SYNE3: variants seen among roughly 807,000 people sequenced by gnomAD.
SYNE3 encodes nesprin-3.
SYNE3 carries 100 observed loss-of-function variants against 111.2 expected under a neutral mutation model. The ratio of observed to expected loss-of-function variants is 0.90; its 90% CI spans 0.77 to 1.06. The LOEUF is 1.06. Among genes scored for constraint, SYNE3 ranks in the 50% least tolerant of loss-of-function variants. The pLI is 0.00. For missense variants in SYNE3, 1,160 were observed against 1,240.3 expected, an observed-to-expected ratio of 0.94 and a Z score of 0.97; for synonymous variants, 547 against 533.9, an observed-to-expected ratio of 1.02 and a Z score of -0.34.
chr14:95,478,867 A>G (rs969462135), intron 1 of SYNE3, among the ~76,000 whole-genome samples: 1 of 152,112 alleles, frequency 6.6e-6, no homozygotes, highest in African/African-American at 2.4e-5. Context: ...AGGTGGTCCA[A>G]GGCTACAACC....
intron 1 of SYNE3, among the ~76,000 whole-genome samples, chr14:95,501,887 A>C (rs1035028745): frequency 6.6e-6 from 1 of 152,188 alleles, no homozygotes. Context: ...GGTTGGCCCC[A>C]AGCACAAGGA....
At chr14:95,423,362 C>T (rs1425511378) in intron 17 of SYNE3, among the ~76,000 whole-genome samples, 3 of 152,198 alleles carry the variant, frequency 2.0e-5, no homozygotes, top group Non-Finnish European at 4.4e-5. Context: ...TCCTTATCTG[C>T]CATCCCCCTG....
rs527700488 is a variant in SYNE3 at position 95,502,693 on chromosome 14, AG to A, written c.-15+13902del. On this transcript the variant is annotated intron_variant, in intron 1 of 17. Transcript: ENST00000682763. ...GGAAAACCAGCACGTACAACCGGTC[AG>A]GAACTCACCTCTGGCATTCGTTTCA... 1.2e-3 allele frequency among the ~76,000 whole-genome samples: 183 copies of A among 152,326 alleles called. 1 individual carries two copies. The highest frequency in any genetic ancestry group is 3.2e-3 in the African/African-American group (132 of 41,576).
intron 4 of SYNE3, among the ~76,000 whole-genome samples, chr14:95,463,656 T>C (rs1887983755): frequency 6.6e-6 from 1 of 152,218 alleles, no homozygotes; most frequent in Non-Finnish European, 1.5e-5. Context: ...CAGGGCTGGA[T>C]GAGGGCCAAT....
In SYNE3 at chr14:95,490,322, G is replaced by A. The variant is rs544695073; in HGVS notation, c.-14-14487C>T. On this transcript the variant is annotated intron_variant, in intron 1 of 17. Transcript: ENST00000682763. The stretch of plus-strand genomic sequence containing the variant: ...ATTATGGCATGCACAGCAGTCTGGA[G>A]TAAATGCTATATTGTTCCAAGCTAT... Among the ~76,000 whole-genome samples the A allele has an allele frequency of 7.9e-5, 12 of 152,356 alleles. No homozygotes were observed. In the South Asian group the frequency reaches 1.7e-3, roughly 21 times the overall value.
At chr14:95,432,589 A>G (rs76309649) in intron 16 of SYNE3, among the ~76,000 whole-genome samples, 3,185 of 152,026 alleles carry the variant, frequency 0.021, 102 homozygotes, top group East Asian at 0.093. Flanking sequence ...GGGCTGTTAT[A>G]AGGACATAGC....
intron 1 of SYNE3, among the ~76,000 whole-genome samples, chr14:95,498,695 G>A (rs1890200793): frequency 6.6e-6 from 1 of 152,186 alleles, no homozygotes; most frequent in African/African-American, 2.4e-5. Flanking sequence ...GTATTCACCT[G>A]TCTGTTCCCC....
chr14:95,516,555 C>CCCCGGCCCCAGGCCTGGCCT lies in SYNE3; in HGVS notation c.-15+21_-15+40dup, dbSNP rs1566695305. The stretch of plus-strand genomic sequence containing the variant: ...ACCCGCCCGGCCCCCGGCCCCCGGC[C>CCCCGGCCCCAGGCCTGGCCT]CCCGGCCCCAGGCCTGGCCTCCCGG... On this transcript the variant is annotated intron_variant, in intron 1 of 17. Coordinates refer to ENST00000682763, the MANE Select transcript of SYNE3 (RefSeq NM_152592.6). Among the ~76,000 whole-genome samples the CCCCGGCCCCAGGCCTGGCCT allele has an allele frequency of 3.3e-5, 5 of 151,512 alleles. No homozygotes were observed. The South Asian group carries it at 8.3e-4, about 25-fold the overall frequency.
chr14:95,485,655 C>T lies in SYNE3; in HGVS notation c.-14-9820G>A, dbSNP rs971805758. On this transcript the variant is annotated intron_variant, in intron 1 of 17. Coordinates refer to ENST00000682763, the MANE Select transcript of SYNE3 (RefSeq NM_152592.6). This position sits in a 1 kb window ranked among gnomAD's most constrained non-coding sequence, Gnocchi z 4.3. ...GCTGTCTCCTCTCCCTCTCCCCTTA[C>T]ACCACTCCCTCTAGGATACCCAGCA... Among the ~76,000 whole-genome samples, 9 of 152,070 alleles carry T rather than the reference C, an allele frequency of 5.9e-5. No individual in the cohort carries two copies. The highest frequency in any genetic ancestry group is 1.9e-4 in the African/African-American group (8 of 41,402).
At position 95,490,661 on chromosome 14, in the gene SYNE3, A is replaced by G. The variant is rs1055016833; in HGVS notation, c.-14-14826T>C. ...GGCTGGCTGCAGAGCCAAAGGTGTA[A>G]GTCAAGTAAGAGCTGCTGCTGGTTG... On this transcript the variant is annotated intron_variant, in intron 1 of 17. Coordinates refer to ENST00000682763, the MANE Select transcript of SYNE3 (RefSeq NM_152592.6). 3.9e-5 allele frequency among the ~76,000 whole-genome samples: 6 copies of G among 152,344 alleles called. 1 individual carries two copies. Among genetic ancestry groups the G allele is most frequent in the East Asian group, 3.9e-4 (2 of 5,178 alleles).
chr14:95,473,823 G>A (rs1394526781), intron 2 of SYNE3, among the ~76,000 whole-genome samples: 4 of 150,090 alleles, frequency 2.7e-5, no homozygotes, highest in African/African-American at 4.9e-5. Flanking sequence ...TAAGGCTGGT[G>A]TGAGCTTGCG....
intron 1 of SYNE3, among the ~76,000 whole-genome samples, chr14:95,512,764 A>T (rs1292998066): frequency 6.6e-6 from 1 of 151,968 alleles, no homozygotes; most frequent in Non-Finnish European, 1.5e-5. Flanking sequence ...AGGCTGAGGC[A>T]GGAGAATGGC....
At chr14:95,419,500 A>G (rs1454951142) in intron 17 of SYNE3, among the ~76,000 whole-genome samples, 3 of 152,168 alleles carry the variant, frequency 2.0e-5, no homozygotes, top group Non-Finnish European at 4.4e-5. Context: ...ATTCATCACT[A>G]TTAATATTAG....
At chr14:95,511,178 C>T (rs1890708069) in intron 1 of SYNE3, among the ~76,000 whole-genome samples, 1 of 152,228 alleles carries the variant, frequency 6.6e-6, no homozygotes, top group South Asian at 2.1e-4. Context: ...GCTTCCCCCA[C>T]TGGAAAATGG....
In SYNE3 at chr14:95,458,668, T is replaced by A. The variant is rs375411665; in HGVS notation, c.628-1330A>T. Among the ~76,000 whole-genome samples the A allele has an allele frequency of 1.1e-4, 16 of 152,334 alleles. No homozygotes were observed. The East Asian group carries it at 3.1e-3, about 29-fold the overall frequency. On this transcript the variant is annotated intron_variant, in intron 4 of 17. Coordinates refer to ENST00000682763, the MANE Select transcript of SYNE3 (RefSeq NM_152592.6). ...CTGGGATGCAACTTCATCACAGCAG[T>A]TGTCCATGGCATCGTCACCCACTGG...
intron 1 of SYNE3, among the ~76,000 whole-genome samples, chr14:95,482,432 A>G (rs1407900386): frequency 1.3e-5 from 2 of 152,200 alleles, no homozygotes; most frequent in African/African-American, 2.4e-5. Flanking sequence ...ACACCATCTC[A>G]AAATAAATTA....
rs17092283 is a variant in SYNE3, at chr14:95,446,089, T to C, written c.1452A>G (p.Ala484=). Residue 484 remains alanine (A), a splice_region_variant and synonymous_variant, in exon 9 of 18, where the codon GCA becomes GCG. Coordinates refer to ENST00000682763, the MANE Select transcript of SYNE3 (RefSeq NM_152592.6). ...SLHTFLPQIE[A]ALMESSRLKE... ...TCAGGCGGGAGCTTTCCATCAGGGCTGCCTGTGGGAGACAAGGCTTCCGTG... is the reference window on the plus strand; with the variant it reads ...TCAGGCGGGAGCTTTCCATCAGGGCCGCCTGTGGGAGACAAGGCTTCCGTG... The C allele has an allele frequency of 0.013, 21,293 of 1,613,898 alleles. 1,741 individuals carry two copies. The African/African-American group carries it at 0.21, about 16-fold the overall frequency.
In SYNE3 at chr14:95,449,950, G is replaced by A; in HGVS notation, c.1430C>T (p.Thr477Ile). ...GGTTACCTCGATCTGGGGCAGGAAG[G>A]TGTGAAGGGAAGGCAGGTCCGGCAG... is the stretch of plus-strand genomic sequence containing the variant. The part of the protein sequence containing the change: ...ASLPDLPSLH[T>I]FLPQIEAALM... Residue 477 changes from threonine (T) to isoleucine (I), a missense_variant, in exon 8 of 18, where the codon ACC becomes ATC. By Grantham distance (89) the Thr-to-Ile change is moderately conservative. Transcript: ENST00000682763. 6.4e-7 allele frequency: 1 copy of A among 1,554,660 alleles called. No individual in the cohort carries two copies. The highest frequency in any genetic ancestry group is 2.4e-5 in the East Asian group (1 of 41,264).
intron 12 of SYNE3, 25 bp from the exon 13 acceptor site, chr14:95,439,809 C>T (rs1286650886): frequency 6.2e-7 from 1 of 1,601,488 alleles, no homozygotes. Flanking sequence ...GACACACAGA[C>T]ACACACACGG....
Sources: allele counts gnomAD v4.1 joint callset (sites outside exome capture counted in the v4.1 genomes callset), GRCh38; gene constraint gnomAD v4.1.1; non-coding constraint Gnocchi (gnomAD v3.1); transcripts MANE v1.5; gene names NCBI Gene and HGNC (gene_info 2026-07-23, HGNC 2026-07-21).